Variants in APOL1 observed in about 807,000 individuals in gnomAD.
APOL1 encodes the protein apolipoprotein L 1.
A neutral mutation model predicts 14.9 loss-of-function variants in APOL1; 17 were observed. That is an observed-to-expected ratio of 1.14 (90% CI 0.78 to 1.71). APOL1 has a LOEUF of 1.71. APOL1 is among the 40% of genes most tolerant of loss of function. APOL1 has a pLI of 0.00. For missense variants in APOL1, 523 were observed against 485.9 expected, an observed-to-expected ratio of 1.08 and a Z score of -0.72; for synonymous variants, 195 against 184.8, an observed-to-expected ratio of 1.05 and a Z score of -0.45.
chr22:36,254,568 A>G (rs1210147768), intron 1 of APOL1, among the ~76,000 whole-genome samples: 3 of 152,104 alleles, frequency 2.0e-5, no homozygotes, highest in Admixed American at 2.0e-4. Context: ...CTGTTTATTA[A>G]AAACTAAACG....
At chr22:36,259,691 C>T in intron 4 of APOL1, 1 of 1,303,422 alleles carries the variant, frequency 7.7e-7, no homozygotes, top group Non-Finnish European at 1.0e-6. Flanking sequence ...CCAGAGGTGA[C>T]AGTGGAGAGC....
intron 1 of APOL1, among the ~76,000 whole-genome samples, chr22:36,253,630 A>G (rs941445676): frequency 1.3e-5 from 2 of 152,208 alleles, no homozygotes; most frequent in South Asian, 2.1e-4. Context: ...CTGAGGCCCA[A>G]TGGGGGCAAC....
chr22:36,257,885 T>C, intron 4 of APOL1, among the ~76,000 whole-genome samples: 1 of 152,162 alleles, frequency 6.6e-6, no homozygotes, highest in Admixed American at 6.5e-5. Context: ...TGAGTGGCCC[T>C]GTGGGAATGT....
Position 36,257,118 on chromosome 22 carries a change from C to T in APOL1, c.80C>T (p.Ala27Val), listed in dbSNP as rs2015907707. 6.2e-7 allele frequency: 1 copy of T among 1,614,128 alleles called. No individual in the cohort carries two copies. Among genetic ancestry groups the T allele is most frequent in the Non-Finnish European group, 8.5e-7 (1 of 1,180,014 alleles). Residue 27 changes from alanine (A) to valine (V), a missense_variant, in exon 3 of 6, where the codon GCA becomes GTA. By Grantham distance (64) the Ala-to-Val change is moderately conservative. Transcript: ENST00000397278. ...CTTTTCCTTGGTGTGGGAGTGAGGG[C>T]AGAGGAAGCTGGAGCGAGGTGAGTG... is the stretch of plus-strand genomic sequence containing the variant. Reference protein sequence around the residue: ...SALFLGVGVRAEEAGARVQQN... With the variant: ...SALFLGVGVRVEEAGARVQQN...
At chr22:36,260,533 A>G (rs369168665) in intron 4 of APOL1, among the ~76,000 whole-genome samples, 1 of 152,134 alleles carries the variant, frequency 6.6e-6, no homozygotes, top group Non-Finnish European at 1.5e-5. Context: ...TGCAAACCAC[A>G]CGTTTTGGTG....
At chr22:36,253,954 T>C (rs2015773035) in intron 1 of APOL1, 1 of 1,614,064 alleles carries the variant, frequency 6.2e-7, no homozygotes, top group South Asian at 1.1e-5. Flanking sequence ...TGATGCCAGC[T>C]TTGCAATCAT....
chr22:36,257,116 G>T lies in APOL1; in HGVS notation c.78G>T (p.Arg26Ser). 6.2e-7 allele frequency: 1 copy of T among 1,614,136 alleles called. No individual in the cohort carries two copies. Among genetic ancestry groups the T allele is most frequent in the Non-Finnish European group, 8.5e-7 (1 of 1,180,022 alleles). ...CACTTTTCCTTGGTGTGGGAGTGAG[G>T]GCAGAGGAAGCTGGAGCGAGGTGAG... ...MSALFLGVGVRAEEAGARVQQ... is the reference protein window; with the variant it reads ...MSALFLGVGVSAEEAGARVQQ... The change falls in exon 3 of 6, where the codon AGG (arginine) becomes AGT (serine). Residue 26 changes from arginine (R) to serine (S), a missense_variant. Physicochemically the swap from Arg to Ser is moderately radical, Grantham distance 110. Coordinates refer to ENST00000397278, the MANE Select transcript of APOL1 (RefSeq NM_003661.4).
At chr22:36,257,560 G>A (rs562410747) in intron 4 of APOL1, 153 bp downstream of exon 4, 100 of 779,528 alleles carry the variant, frequency 1.3e-4, no homozygotes, top group South Asian at 2.5e-4. Flanking sequence ...GGAGTCCCCC[G>A]ACCCAGGGGT....
Position 36,261,612 on chromosome 22 carries a change from T to C in APOL1, c.204T>C (p.Ile68=), listed in dbSNP as rs781432998. Reference sequence around the variant, plus strand: ...TCCAACTAGAGAGCAGTATCTTTATTGAGGATGCCATTAAGTATTTCAAGG... The same window carrying C: ...TCCAACTAGAGAGCAGTATCTTTATCGAGGATGCCATTAAGTATTTCAAGG... ...GTMDPESSIF[I]EDAIKYFKEK... Residue 68 remains isoleucine (I), a synonymous_variant, in exon 5 of 6, where the codon ATT becomes ATC. Transcript: ENST00000397278. 6.2e-7 allele frequency: 1 copy of C among 1,613,678 alleles called. No homozygotes were observed. Among genetic ancestry groups the C allele is most frequent in the Non-Finnish European group, 8.5e-7 (1 of 1,179,612 alleles).
intron 1 of APOL1, chr22:36,253,797 G>A (rs1384340421): frequency 2.7e-6 from 2 of 740,412 alleles, no homozygotes; most frequent in Non-Finnish European, 4.5e-6. Context: ...TAGATCATAG[G>A]ACTCCACGTC....
chr22:36,259,755 A>G (rs1191500131), intron 4 of APOL1: 1 of 1,304,308 alleles, frequency 7.7e-7, no homozygotes, highest in Admixed American at 2.3e-5. Flanking sequence ...AGGTGCCTCA[A>G]GGATCAGTGC....
At position 36,255,123 on chromosome 22, in the gene APOL1, G is replaced by A. The variant is rs949662375; in HGVS notation, c.44+124G>A. Reference sequence around the variant, plus strand: ...TTCTAGGAACCAAAGTCACTTCCCGGAATTGACCAACCGGCAGACTCGCCC... The same window carrying A: ...TTCTAGGAACCAAAGTCACTTCCCGAAATTGACCAACCGGCAGACTCGCCC... On this transcript the variant is annotated intron_variant, in intron 2 of 5. Transcript: ENST00000397278. 4.9e-5 allele frequency: 59 copies of A among 1,200,108 alleles called. 1 individual carries two copies. In the Admixed American group the frequency reaches 1.1e-3, roughly 23 times the overall value. The allele number at this position is 1,200,108 out of a possible 1,614,324, so 74.3% of individuals were successfully genotyped here.
At position 36,265,882 on chromosome 22, in the gene APOL1, T is replaced by C; in HGVS notation, c.1046T>C (p.Val349Ala). ...APVSFFLVLD[V>A]VYLVYESKHL... Reference sequence around the variant, plus strand: ...GTAAGCTTCTTTCTTGTGCTGGATGTAGTCTACCTCGTGTACGAATCAAAG... The same window carrying C: ...GTAAGCTTCTTTCTTGTGCTGGATGCAGTCTACCTCGTGTACGAATCAAAG... The change falls in exon 6 of 6, where the codon GTA becomes GCA. Residue 349 changes from valine to alanine, a missense_variant. Coordinates refer to ENST00000397278, the MANE Select transcript of APOL1 (RefSeq NM_003661.4). 1 of 1,614,184 alleles carries C rather than the reference T, an allele frequency of 6.2e-7. No homozygotes were observed. The highest frequency in any genetic ancestry group is 8.5e-7 in the Non-Finnish European group (1 of 1,180,036).
At chr22:36,257,889 G>A (rs942781572) in intron 4 of APOL1, among the ~76,000 whole-genome samples, 78 of 152,264 alleles carry the variant, frequency 5.1e-4, no homozygotes, top group African/African-American at 1.8e-3. Flanking sequence ...TGGCCCTGTG[G>A]GAATGTATCG....
intron 4 of APOL1, 88 bp downstream of exon 4, chr22:36,257,495 C>A (rs1457389240): frequency 3.0e-6 from 4 of 1,321,372 alleles, no homozygotes; most frequent in East Asian, 2.3e-5. Context: ...CCCAGAAGAA[C>A]CCGGATGGAC....
At chr22:36,264,792 G>C (rs1207560108) in intron 5 of APOL1, among the ~76,000 whole-genome samples, 1 of 150,748 alleles carries the variant, frequency 6.6e-6, no homozygotes, top group Non-Finnish European at 1.5e-5. Context: ...TCATTTCACA[G>C]ACAGGGAAAC....
intron 4 of APOL1, among the ~76,000 whole-genome samples, chr22:36,261,049 G>C (rs1489116317): frequency 1.3e-5 from 2 of 152,212 alleles, no homozygotes; most frequent in Non-Finnish European, 2.9e-5. Flanking sequence ...TGTTGGTGCT[G>C]AGCTGAAAAG....
Position 36,266,530 on chromosome 22 carries a change from G to C in APOL1, c.*497G>C. 1 of 400,034 alleles carries C rather than the reference G, an allele frequency of 2.5e-6. No individual in the cohort carries two copies. The allele number at this position is 400,034 out of a possible 1,614,324, so 24.8% of individuals were successfully genotyped here. On this transcript the variant is annotated 3_prime_UTR_variant, in exon 6 of 6. Transcript: ENST00000397278. ...TGGCAGTGCAGCAAGGAGAAGGCAG[G>C]AACATTGGAGCCTGCAATAAGGGAA...
rs1412411332 is a variant in APOL1 at position 36,257,339 on chromosome 22, G to T, written c.119G>T (p.Ser40Ile). 18 of 1,614,184 alleles carry T rather than the reference G, an allele frequency of 1.1e-5. No individual in the cohort carries two copies. Among genetic ancestry groups the T allele is most frequent in the Non-Finnish European group, 1.5e-5 (18 of 1,180,020 alleles). The change falls in exon 4 of 6, where the codon AGT (serine) becomes ATT (isoleucine). Residue 40 changes from serine to isoleucine, a missense_variant. Physicochemically the swap from Ser to Ile is moderately radical, Grantham distance 142. Transcript: ENST00000397278. ...TCAAGGGTGCAACAAAACGTTCCAAGTGGGACAGATACTGGAGATCCTCAA... is the reference window on the plus strand; with the variant it reads ...TCAAGGGTGCAACAAAACGTTCCAATTGGGACAGATACTGGAGATCCTCAA... ...AGARVQQNVP[S>I]GTDTGDPQSK...
Sources: gnomAD v4.1 joint callset for allele counts (sites outside exome capture counted in the v4.1 genomes callset) on GRCh38, gnomAD v4.1.1 for gene constraint, MANE v1.5 for transcripts, NCBI Gene and HGNC (gene_info 2026-07-23, HGNC 2026-07-21) for gene names.